The following SQLE variants were observed in gnomAD, a reference collection of about 807,000 sequenced individuals.
SQLE encodes squalene epoxidase.
In SQLE, 29 loss-of-function variants were observed where a neutral mutation model predicts 60.7. The observed-to-expected ratio is 0.48, with a 90% CI of 0.36 to 0.65. The LOEUF is 0.65. Ranked by LOEUF, SQLE falls within the 30% of genes least tolerant of loss-of-function variation. The pLI, the probability that SQLE is intolerant of heterozygous loss-of-function variation, is 0.00. For missense variants in SQLE, 605 were observed against 684.1 expected, an observed-to-expected ratio of 0.88 and a Z score of 1.29; for synonymous variants, 237 against 246.8, an observed-to-expected ratio of 0.96 and a Z score of 0.37.
chr8:125,021,437 A>G (rs1815202557), intron 10 of SQLE, among the ~76,000 whole-genome samples: 1 of 150,770 alleles, frequency 6.6e-6, no homozygotes. Flanking sequence ...AGGATGAGTA[A>G]ACAAACAGCT....
At chr8:125,003,557 C>A in intron 2 of SQLE, 129 bp downstream of exon 2, 2 of 1,148,216 alleles carry the variant, frequency 1.7e-6, no homozygotes, top group South Asian at 1.7e-5. Flanking sequence ...ACTCATTTAC[C>A]AACAAATTTG....
chr8:125,009,391 G>A (rs987684383), intron 6 of SQLE, 48 bp downstream of exon 6: 1 of 1,523,666 alleles, frequency 6.6e-7, no homozygotes, highest in African/African-American at 1.4e-5. Context: ...TCTAAAATAG[G>A]CCAGAGATAA....
intron 7 of SQLE, among the ~76,000 whole-genome samples, chr8:125,013,718 A>T (rs1815072878): frequency 6.6e-6 from 1 of 151,956 alleles, no homozygotes; most frequent in African/African-American, 2.4e-5. Flanking sequence ...TCTTTGATCC[A>T]TTTTGAGTTA....
intron 10 of SQLE, 36 bp from the exon 11 acceptor site, chr8:125,021,717 C>A: frequency 6.8e-7 from 1 of 1,471,922 alleles, no homozygotes; most frequent in East Asian, 2.4e-5. Context: ...ATTTTAGTTT[C>A]TGAGTCTTAC....
At chr8:125,012,508 A>G (rs568596833) in intron 7 of SQLE, among the ~76,000 whole-genome samples, 8 of 152,360 alleles carry the variant, frequency 5.3e-5, no homozygotes, top group Middle Eastern at 3.4e-3. Flanking sequence ...AAGGCATTGT[A>G]TAGTAAAGCC....
In SQLE at chr8:124,999,321, T is replaced by C; in HGVS notation, c.-83T>C. 7.3e-7 allele frequency: 1 copy of C among 1,363,452 alleles called. No individual in the cohort carries two copies. The highest frequency in any genetic ancestry group is 9.6e-7 in the Non-Finnish European group (1 of 1,046,834). The allele number at this position is 1,363,452 out of a possible 1,614,324, so 84.5% of individuals were successfully genotyped here. A position where few individuals can be genotyped will look rare whatever the true frequency, so the allele number is the denominator to read the frequency against. ...GGCCGGCTCTCCGTGCTCCTCTTGG[T>C]ACCTCATTTTGGGGAGAACCTTAAA... On this transcript the variant is annotated 5_prime_UTR_variant, in exon 1 of 11. Coordinates refer to ENST00000265896, the MANE Select transcript of SQLE (RefSeq NM_003129.4).
intron 9 of SQLE, among the ~76,000 whole-genome samples, chr8:125,019,635 CCACAGCAGTGTA>C (rs1467518603): frequency 6.6e-6 from 1 of 152,214 alleles, no homozygotes; most frequent in Non-Finnish European, 1.5e-5. Flanking sequence ...CACCTCCTCA[CCACAGCAGTGTA>C]CACATCAGTT....
chr8:124,998,815 GT>G lies in SQLE; in HGVS notation c.-585del. On this transcript the variant is annotated 5_prime_UTR_variant, in exon 1 of 11. Coordinates refer to ENST00000265896, the MANE Select transcript of SQLE (RefSeq NM_003129.4). ...TGTTGGAGAAGGCGTCGGCGTTGGC[GT>G]TTTCCCGAGGTTGGGCTGTACAGTG... The G allele has an allele frequency of 4.0e-6, 2 of 494,224 alleles. No homozygotes were observed. Among genetic ancestry groups the G allele is most frequent in the Non-Finnish European group, 7.2e-6 (2 of 277,678 alleles). The allele number at this position is 494,224 out of a possible 1,614,324, so 30.6% of individuals were successfully genotyped here.
At chr8:125,007,327 T>G (rs1314695291) in intron 3 of SQLE, 64 bp from the exon 4 acceptor site, 1 of 1,247,728 alleles carries the variant, frequency 8.0e-7, no homozygotes, top group African/African-American at 1.5e-5. Flanking sequence ...AGATAAGGAA[T>G]TTATATTTAA....
intron 3 of SQLE, among the ~76,000 whole-genome samples, chr8:125,007,055 C>CGAA (rs1814964273): frequency 6.6e-6 from 1 of 152,098 alleles, no homozygotes; most frequent in African/African-American, 2.4e-5. Flanking sequence ...CTTGTTTTCC[C>CGAA]CTCTGTGTAT....
Position 125,005,632 on chromosome 8 carries a change from G to C in SQLE, c.652G>C (p.Val218Leu), listed in dbSNP as rs748610310. Residue 218 changes from valine to leucine, a missense_variant, in exon 3 of 11, where the codon GTG (valine) becomes CTG (leucine). Coordinates refer to ENST00000265896, the MANE Select transcript of SQLE (RefSeq NM_003129.4). ...TTACCCTCTGTCAGAAAACAATCAA[G>C]TGCAGAGTGGAAGAGCTTTCCATCA... The part of the protein sequence containing the change: ...IPYPLSENNQ[V>L]QSGRAFHHGR... The C allele has an allele frequency of 6.2e-7, 1 of 1,611,538 alleles. No homozygotes were observed. The highest frequency in any genetic ancestry group is 8.5e-7 in the Non-Finnish European group (1 of 1,178,374).
chr8:124,999,342 TTAA>T lies in SQLE; in HGVS notation c.-61_-59del. Reference sequence around the variant, plus strand: ...TTGGTACCTCATTTTGGGGAGAACCTTAAACCCACTCGAGCAGATAATCTCCGC... The same window carrying T: ...TTGGTACCTCATTTTGGGGAGAACCTACCCACTCGAGCAGATAATCTCCGC... On this transcript the variant is annotated 5_prime_UTR_variant, in exon 1 of 11. An upstream open reading frame in the 5' UTR loses its in-frame stop. Coordinates refer to ENST00000265896, the MANE Select transcript of SQLE (RefSeq NM_003129.4). 6.9e-7 allele frequency: 1 copy of T among 1,454,586 alleles called. No homozygotes were observed. The allele number at this position is 1,454,586 out of a possible 1,614,324, so 90.1% of individuals were successfully genotyped here.
chr8:125,009,440 T>G, intron 6 of SQLE, 97 bp downstream of exon 6: 1 of 1,222,388 alleles, frequency 8.2e-7, no homozygotes, highest in Non-Finnish European at 1.1e-6. Flanking sequence ...AACCAGATAT[T>G]CTGGAACTGA....
At chr8:125,014,711 C>T (rs2129902133) in intron 7 of SQLE, among the ~76,000 whole-genome samples, 1 of 152,296 alleles carries the variant, frequency 6.6e-6, no homozygotes, top group Non-Finnish European at 1.5e-5. Context: ...TGTTTGTATA[C>T]ACAGTCTCCA....
chr8:125,003,157 C>CG lies in SQLE; in HGVS notation c.292-19_292-18insG, dbSNP rs1588111771. 1.8e-5 allele frequency: 27 copies of CG among 1,482,796 alleles called. No individual in the cohort carries two copies. The highest frequency in any genetic ancestry group is 2.5e-5 in the South Asian group (2 of 79,152). The allele number at this position is 1,482,796 out of a possible 1,614,324, so 91.9% of individuals were successfully genotyped here. On this transcript the variant is annotated intron_variant, in intron 1 of 10. Transcript: ENST00000265896. The stretch of plus-strand genomic sequence containing the variant: ...CTAACAAATTTGGATACCTAGTTTA[C>CG]CTTTTTTTTTTTAAACAGCGCAGAA...
In SQLE at chr8:125,018,066, T is replaced by G. The variant is rs779799744; in HGVS notation, c.1212T>G (p.Leu404=). 1.8e-5 allele frequency: 29 copies of G among 1,613,384 alleles called. No homozygotes were observed. The highest frequency in any genetic ancestry group is 2.2e-5 in the Non-Finnish European group (26 of 1,179,792). ...CATTACCTCTCTTCATAGGTGTTCT[T>G]CTTTTGGGAGACGCATATAATATGA... ...PPSSVKKRGV[L]LLGDAYNMRH... The change falls in exon 8 of 11, where the codon CTT becomes CTG. Residue 404 remains leucine, a synonymous_variant. Coordinates refer to ENST00000265896, the MANE Select transcript of SQLE (RefSeq NM_003129.4).
chr8:124,999,263 C>G lies in SQLE; in HGVS notation c.-141C>G. 1 of 749,182 alleles carries G rather than the reference C, an allele frequency of 1.3e-6. No individual in the cohort carries two copies. Among genetic ancestry groups the G allele is most frequent in the Middle Eastern group, 3.8e-4 (1 of 2,638 alleles). The allele number at this position is 749,182 out of a possible 1,614,324, so 46.4% of individuals were successfully genotyped here. On this transcript the variant is annotated 5_prime_UTR_variant, in exon 1 of 11. Coordinates refer to ENST00000265896, the MANE Select transcript of SQLE (RefSeq NM_003129.4). The stretch of plus-strand genomic sequence containing the variant: ...ATTTTTAAAAACTGGTCTGATCGGA[C>G]TTCTCGTCCTGGGACACTGTTTACT...
intron 1 of SQLE, among the ~76,000 whole-genome samples, 173 bp from the exon 2 acceptor site, chr8:125,003,000 TATC>T (rs1354737204): frequency 1.3e-5 from 2 of 152,262 alleles, no homozygotes; most frequent in Non-Finnish European, 1.5e-5. Context: ...AATATTTTGA[TATC>T]ATTGATTTTT....
Position 125,016,582 on chromosome 8 carries a change from A to G in SQLE, c.1205-1477A>G, listed in dbSNP as rs1019045402. ...TTCTCTGAAAGCTCACATCTCTGTT[A>G]CTCTGGGATTGGTCACTGGTGCCTT... On this transcript the variant is annotated intron_variant, in intron 7 of 10. Coordinates refer to ENST00000265896, the MANE Select transcript of SQLE (RefSeq NM_003129.4). This position sits in a 1 kb window ranked among gnomAD's most constrained non-coding sequence, Gnocchi z 4.1. Among the ~76,000 whole-genome samples the G allele has an allele frequency of 2.6e-5, 4 of 151,602 alleles. No homozygotes were observed.
Sources: allele counts gnomAD v4.1 joint callset (sites outside exome capture counted in the v4.1 genomes callset), GRCh38; gene constraint gnomAD v4.1.1; non-coding constraint Gnocchi (gnomAD v3.1); transcripts MANE v1.5; gene names NCBI Gene and HGNC (gene_info 2026-07-23, HGNC 2026-07-21).